The following TRRAP variants were observed in gnomAD, a reference collection of about 807,000 sequenced individuals.
The protein encoded by TRRAP is transformation/transcription domain-associated protein.
Under a neutral mutation model 438.8 loss-of-function variants are expected in TRRAP, and 41 were observed. The ratio of observed to expected loss-of-function variants is 0.09; its 90% CI spans 0.07 to 0.12. The LOEUF is 0.12. Among genes scored for constraint, TRRAP ranks in the 10% least tolerant of loss-of-function variants. The probability of loss-of-function intolerance (pLI) is 1.00; values close to 1 mark genes in which losing one functional copy is unlikely to be tolerated. For missense variants in TRRAP, 3,122 were observed against 5,055.1 expected, an observed-to-expected ratio of 0.62 and a Z score of 11.60; for synonymous variants, 1,994 against 1,962.9, an observed-to-expected ratio of 1.02 and a Z score of -0.42.
chr7:99,010,450 A>G (rs1195127396), intron 70 of TRRAP, among the ~76,000 whole-genome samples: 5 of 152,220 alleles, frequency 3.3e-5, no homozygotes, highest in Non-Finnish European at 5.9e-5. Flanking sequence ...TCTCACAGCC[A>G]TTCCCACAGA....
chr7:98,882,784 C>G (rs1204934643), intron 3 of TRRAP, among the ~76,000 whole-genome samples: 1 of 151,678 alleles, frequency 6.6e-6, no homozygotes, highest in African/African-American at 2.4e-5. Context: ...GCCGTAGCCT[C>G]CCAAGTAGTT....
intron 19 of TRRAP, 38 bp from the exon 20 acceptor site, chr7:98,917,385 G>C: frequency 1.2e-6 from 2 of 1,600,720 alleles, no homozygotes; most frequent in Non-Finnish European, 1.7e-6. Flanking sequence ...AGTCTGGGGA[G>C]CGTCTTCCCT....
chr7:98,882,096 C>T (rs1208937965), intron 3 of TRRAP, 72 bp downstream of exon 3: 7 of 1,333,478 alleles, frequency 5.2e-6, no homozygotes, highest in Non-Finnish European at 7.3e-6. Flanking sequence ...CCTGCTTTGT[C>T]AGTCTTTTTA....
chr7:98,971,802 G>A lies in TRRAP; in HGVS notation c.7696G>A (p.Val2566Ile). 4 of 1,613,798 alleles carry A rather than the reference G, an allele frequency of 2.5e-6. No individual in the cohort carries two copies. The highest frequency in any genetic ancestry group is 3.4e-6 in the Non-Finnish European group (4 of 1,179,922). ...TGCTTGCTGCTTTGTTTCTTAGGAT[G>A]TAGAGATAGACATCGAACTAGCTCC... is the stretch of plus-strand genomic sequence containing the variant. ...RENSESKEED[V>I]EIDIELAPGD... The change falls in exon 53 of 73, where the codon GTA becomes ATA. Residue 2566 changes from valine (V) to isoleucine (I), a missense_variant. By Grantham distance (29) the Val-to-Ile change is conservative. Coordinates refer to ENST00000456197, the MANE Select transcript of TRRAP (RefSeq NM_001375524.1).
Position 98,956,541 on chromosome 7 carries a change from C to A in TRRAP, c.6231+8C>A. 1 of 1,611,328 alleles carries A rather than the reference C, an allele frequency of 6.2e-7. No homozygotes were observed. The highest frequency in any genetic ancestry group is 8.5e-7 in the Non-Finnish European group (1 of 1,179,178). On this transcript the variant is annotated splice_region_variant and intron_variant, in intron 43 of 72. Coordinates refer to ENST00000456197, the MANE Select transcript of TRRAP (RefSeq NM_001375524.1). This position sits in a 1 kb window ranked among gnomAD's most constrained non-coding sequence, Gnocchi z 4.5. ...ACCGGAGCCATCAGTGCAGTAAGAT[C>A]ATGTGCCTCTGTATGGGTGCTGCGC... is the stretch of plus-strand genomic sequence containing the variant.
rs782728769 is a variant in TRRAP at position 98,927,167 on chromosome 7, C to A, written c.2976C>A (p.Asn992Lys). The change falls in exon 23 of 73, where the codon AAC becomes AAA. Residue 992 changes from asparagine to lysine, a missense_variant and splice_region_variant. By Grantham distance (94) the Asn-to-Lys change is moderately conservative. Around this residue, in one of 24 missense-constraint regions of TRRAP, gnomAD observed 133 missense variants for 188.6 expected, o/e 0.71. Coordinates refer to ENST00000456197, the MANE Select transcript of TRRAP (RefSeq NM_001375524.1). ...CACCAGATCTGATTTTGCCTTTCAG[C>A]TTTACAGAAAAGACCATCCCCAATG... ...HALYQLLAHPNFTEKTIPNVI... is the reference protein window; with the variant it reads ...HALYQLLAHPKFTEKTIPNVI... 1 of 1,614,250 alleles carries A rather than the reference C, an allele frequency of 6.2e-7. No individual in the cohort carries two copies. The highest frequency in any genetic ancestry group is 8.5e-7 in the Non-Finnish European group (1 of 1,180,046).
rs1790105179 is a variant in TRRAP at position 98,927,478 on chromosome 7, T to G, written c.3175+112T>G. 20 of 1,348,756 alleles carry G rather than the reference T, an allele frequency of 1.5e-5. No homozygotes were observed. The South Asian group carries it at 2.9e-4, about 20-fold the overall frequency. The allele number at this position is 1,348,756 out of a possible 1,614,324, so 83.5% of individuals were successfully genotyped here. A position where few individuals can be genotyped will look rare whatever the true frequency, so the allele number is the denominator to read the frequency against. ...CTAGAAAAAGCTGAGTTTGGCTGAT[T>G]GATTTTCGGCTTTTATTTTCCAATT... is the stretch of plus-strand genomic sequence containing the variant. On this transcript the variant is annotated intron_variant, in intron 23 of 72. Coordinates refer to ENST00000456197, the MANE Select transcript of TRRAP (RefSeq NM_001375524.1).
At chr7:99,009,947 G>A (rs1424728370) in intron 70 of TRRAP, among the ~76,000 whole-genome samples, 3 of 149,266 alleles carry the variant, frequency 2.0e-5, no homozygotes, top group African/African-American at 7.5e-5. Context: ...GAGTGCAATG[G>A]CGCGATCTCG....
At chr7:98,906,287 T>C in intron 13 of TRRAP, 32 bp downstream of exon 13, 1 of 1,580,750 alleles carries the variant, frequency 6.3e-7, no homozygotes, top group Non-Finnish European at 8.7e-7. Flanking sequence ...ATCTGGTTGG[T>C]TAAATGCCAG....
At position 98,950,986 on chromosome 7, in the gene TRRAP, C is replaced by A. The variant is rs1369272645; in HGVS notation, c.5445C>A (p.Thr1815=). 1.2e-6 allele frequency: 2 copies of A among 1,604,348 alleles called. No homozygotes were observed. The highest frequency in any genetic ancestry group is 3.5e-5 in the Admixed American group (2 of 57,848). ...AAGGAGATAACCCAGAAAGCATCACCAGTGTGTTTATTACCAAGGTGGTAT... is the reference window on the plus strand; with the variant it reads ...AAGGAGATAACCCAGAAAGCATCACAAGTGTGTTTATTACCAAGGTGGTAT... ...NPEGDNPESI[T]SVFITKVLDP... Residue 1815 remains threonine (T), a synonymous_variant, in exon 39 of 73, where the codon ACC becomes ACA. Transcript: ENST00000456197.
chr7:98,882,777 G>T (rs7797783), intron 3 of TRRAP, among the ~76,000 whole-genome samples: 146,113 of 152,266 alleles, frequency 0.96, 70,154 homozygotes, highest in East Asian at 1. Context: ...TTCTCCTGCC[G>T]TAGCCTCCCA....
intron 7 of TRRAP, among the ~76,000 whole-genome samples, chr7:98,897,433 G>C (rs1307310772): frequency 1.3e-5 from 2 of 152,166 alleles, no homozygotes; most frequent in Non-Finnish European, 2.9e-5. Context: ...AAAAAGAGTA[G>C]AAAATACTTT....
rs782604679 is a variant in TRRAP, at chr7:98,910,164, G to T, written c.1459G>T (p.Val487Leu). 1.2e-4 allele frequency: 201 copies of T among 1,612,176 alleles called. No individual in the cohort carries two copies. Among genetic ancestry groups the T allele is most frequent in the Non-Finnish European group, 1.6e-4 (191 of 1,179,534 alleles). Reference sequence around the variant, plus strand: ...AGCCGTGGAAGCAGCTCTGCCTGGGGTGCCCACTGCCCCTGCAGCTCCTGG... The same window carrying T: ...AGCCGTGGAAGCAGCTCTGCCTGGGTTGCCCACTGCCCCTGCAGCTCCTGG... ...LGAVEAALPG[V>L]PTAPAAPGPA... The change falls in exon 15 of 73, where the codon GTG (valine) becomes TTG (leucine). Residue 487 changes from valine (V) to leucine (L), a missense_variant. Around this residue, in one of 24 missense-constraint regions of TRRAP, gnomAD observed 115 missense variants for 124.6 expected, o/e 0.92. Coordinates refer to ENST00000456197, the MANE Select transcript of TRRAP (RefSeq NM_001375524.1).
intron 20 of TRRAP, 123 bp from the exon 21 acceptor site, chr7:98,921,630 C>A: frequency 7.7e-7 from 1 of 1,306,722 alleles, no homozygotes; most frequent in Non-Finnish European, 1.1e-6. Flanking sequence ...CCCGCCTTAG[C>A]CTCCCAAAGT....
At chr7:98,904,327 C>CA (rs1245864956) in intron 12 of TRRAP, among the ~76,000 whole-genome samples, 1 of 151,518 alleles carries the variant, frequency 6.6e-6, no homozygotes, top group East Asian at 2.0e-4. Flanking sequence ...ACTAAAAATA[C>CA]AAAAAATTAG....
At position 98,923,422 on chromosome 7, in the gene TRRAP, C is replaced by A. The variant is rs1789893650; in HGVS notation, c.2823+1469C>A. On this transcript the variant is annotated intron_variant, in intron 21 of 72. Coordinates refer to ENST00000456197, the MANE Select transcript of TRRAP (RefSeq NM_001375524.1). ...ACTGGCTGCAGCACACCTGGTATAG[C>A]TCATAGCTAAGGAGCCCATGAGGTA... is the stretch of plus-strand genomic sequence containing the variant. Among the ~76,000 whole-genome samples the A allele has an allele frequency of 3.9e-5, 6 of 152,328 alleles. No individual in the cohort carries two copies. In the South Asian group the frequency reaches 1.2e-3, roughly 32 times the overall value.
intron 31 of TRRAP, 46 bp from the exon 32 acceptor site, chr7:98,945,701 T>G: frequency 6.3e-7 from 1 of 1,592,892 alleles, no homozygotes; most frequent in Non-Finnish European, 8.5e-7. Context: ...AGTTTTTATG[T>G]AAATAACATA....
At chr7:98,885,678 A>G (rs573419485) in intron 3 of TRRAP, among the ~76,000 whole-genome samples, 8 of 152,074 alleles carry the variant, frequency 5.3e-5, no homozygotes, top group Admixed American at 6.6e-5. Context: ...ATATATATAT[A>G]TATATATGAA....
In TRRAP at chr7:98,969,528, AG is replaced by A. The variant is rs573503686; in HGVS notation, c.7513-581del. 1.1e-3 allele frequency among the ~76,000 whole-genome samples: 167 copies of A among 152,346 alleles called. 1 individual carries two copies. Among genetic ancestry groups the A allele is most frequent in the African/African-American group, 3.8e-3 (160 of 41,580 alleles). The stretch of plus-strand genomic sequence containing the variant: ...CTGTGCAGTCAACAGATGAGTCTGC[AG>A]GGCCCCCATGGCACCCAGTGGGTGC... On this transcript the variant is annotated intron_variant, in intron 51 of 72. Coordinates refer to ENST00000456197, the MANE Select transcript of TRRAP (RefSeq NM_001375524.1).
Sources: allele counts gnomAD v4.1 joint callset (sites outside exome capture counted in the v4.1 genomes callset), GRCh38; gene constraint gnomAD v4.1.1; regional missense constraint gnomAD v4.1.1; non-coding constraint Gnocchi (gnomAD v3.1); transcripts MANE v1.5; gene names NCBI Gene and HGNC (gene_info 2026-07-23, HGNC 2026-07-21).